Variants in MT1A observed in about 807,000 individuals in gnomAD.
MT1A encodes the protein metallothionein 1A.
In MT1A, 6 loss-of-function variants were observed where a neutral mutation model predicts 5.5. The observed-to-expected ratio is 1.09, with a 90% CI of 0.60 to 2.16. MT1A has a LOEUF of 2.16. Among genes scored for constraint, MT1A ranks in the 30% most tolerant of loss-of-function variants. The pLI, the probability that MT1A is intolerant of heterozygous loss-of-function variation, is 0.00. For synonymous variants in MT1A, 23 were observed against 24.8 expected, an observed-to-expected ratio of 0.93 and a Z score of 0.21; for missense variants, 69 against 73.4, an observed-to-expected ratio of 0.94 and a Z score of 0.22.
Position 56,639,877 on chromosome 16 carries a change from C to A in MT1A, c.113C>A (p.Pro38His). Residue 38 changes from proline to histidine, a missense_variant, in exon 3 of 3, where the codon CCC becomes CAC. Transcript: ENST00000290705. The stretch of plus-strand genomic sequence containing the variant: ...TCCCCAGGCTGCTGCTCCTGCTGCC[C>A]CATGAGCTGTGCCAAGTGTGCCCAG... Reference protein sequence around the residue: ...SCKKSCCSCCPMSCAKCAQGC... With the variant: ...SCKKSCCSCCHMSCAKCAQGC... 6.2e-7 allele frequency: 1 copy of A among 1,614,172 alleles called. No individual in the cohort carries two copies. The highest frequency in any genetic ancestry group is 8.5e-7 in the Non-Finnish European group (1 of 1,180,018).
At chr16:56,639,059 G>A (rs1213549370) in intron 1 of MT1A, among the ~76,000 whole-genome samples, 4 of 152,152 alleles carry the variant, frequency 2.6e-5, no homozygotes, top group African/African-American at 9.7e-5. Context: ...GGGTGGATGG[G>A]AGACAGGAGT....
At chr16:56,638,809 C>T (rs1329889018) in intron 1 of MT1A, 43 bp downstream of exon 1, 1 of 1,611,124 alleles carries the variant, frequency 6.2e-7, no homozygotes, top group Non-Finnish European at 8.5e-7. Flanking sequence ...ACCTATTTCC[C>T]CGCCACAGGA....
At position 56,638,781 on chromosome 16, in the gene MT1A, GTTTCTGGTCCTTAGGATACCTA is replaced by G; in HGVS notation, c.28+20_28+41del. The G allele has an allele frequency of 1.2e-6, 2 of 1,613,242 alleles. No homozygotes were observed. The highest frequency in any genetic ancestry group is 2.7e-5 in the African/African-American group (2 of 75,018). On this transcript the variant is annotated intron_variant, in intron 1 of 2. Coordinates refer to ENST00000290705, the MANE Select transcript of MT1A (RefSeq NM_005946.3). ...CTGCGCCACTGGTAAGGGATGCTAG[GTTTCTGGTCCTTAGGATACCTA>G]TTTCCCCGCCACAGGATAGATGTCC...
rs550212339 is a variant in MT1A at position 56,639,817 on chromosome 16, G to A, written c.95-42G>A. ...CTTCTCTGGGGGCAGGGAAGTCCCCGGTCAAGTCTGGTCTGACCTCTCACT... is the reference window on the plus strand; with the variant it reads ...CTTCTCTGGGGGCAGGGAAGTCCCCAGTCAAGTCTGGTCTGACCTCTCACT... On this transcript the variant is annotated intron_variant, in intron 2 of 2. Coordinates refer to ENST00000290705, the MANE Select transcript of MT1A (RefSeq NM_005946.3). The A allele has an allele frequency of 3.0e-5, 49 of 1,612,896 alleles. No homozygotes were observed. The East Asian group carries it at 8.0e-4, about 26-fold the overall frequency.
chr16:56,639,225 T>C (rs774727868), intron 1 of MT1A, 39 bp from the exon 2 acceptor site: 1 of 1,608,058 alleles, frequency 6.2e-7, no homozygotes, highest in East Asian at 2.2e-5. Context: ...TGCTGTTATC[T>C]TCTGTATAAA....
rs759867176 is a variant in MT1A, at chr16:56,639,886, G to A, written c.122G>A (p.Cys41Tyr). The change falls in exon 3 of 3, where the codon TGT becomes TAT. Residue 41 changes from cysteine (C) to tyrosine (Y), a missense_variant. Physicochemically the swap from Cys to Tyr is radical, Grantham distance 194. Coordinates refer to ENST00000290705, the MANE Select transcript of MT1A (RefSeq NM_005946.3). ...KSCCSCCPMS[C>Y]AKCAQGCICK... is the part of the protein sequence containing the mutation. ...TGCTGCTCCTGCTGCCCCATGAGCT[G>A]TGCCAAGTGTGCCCAGGGCTGCATC... 3.7e-6 allele frequency: 6 copies of A among 1,614,192 alleles called. No homozygotes were observed. The highest frequency in any genetic ancestry group is 1.3e-5 in the African/African-American group (1 of 75,052).
rs1960415983 is a variant in MT1A, at chr16:56,639,377, G to A, written c.94+48G>A. On this transcript the variant is annotated intron_variant, in intron 2 of 2. Coordinates refer to ENST00000290705, the MANE Select transcript of MT1A (RefSeq NM_005946.3). ...GAATCTGGGGCTGAGCCAAGTCAGA[G>A]GCAGGAAACCAGAGCTGGGCATGGA... The A allele has an allele frequency of 1.9e-6, 3 of 1,590,342 alleles. No homozygotes were observed. In the South Asian group the frequency reaches 3.3e-5, roughly 18 times the overall value.
At chr16:56,639,723 C>T in intron 2 of MT1A, 136 bp from the exon 3 acceptor site, 1 of 1,154,706 alleles carries the variant, frequency 8.7e-7, no homozygotes, top group Non-Finnish European at 1.3e-6. Context: ...CACTTATCTC[C>T]CATCTCCGAC....
At chr16:56,639,759 T>C (rs1960420184) in intron 2 of MT1A, 100 bp from the exon 3 acceptor site, 1 of 1,485,734 alleles carries the variant, frequency 6.7e-7, no homozygotes, top group Non-Finnish European at 9.3e-7. Context: ...GAACTAAGTG[T>C]CCTCTGGGGC....
At chr16:56,639,213 A>G (rs368769952) in intron 1 of MT1A, 51 bp from the exon 2 acceptor site, 11 of 1,600,548 alleles carry the variant, frequency 6.9e-6, no homozygotes, top group Admixed American at 6.7e-5. Flanking sequence ...TTGTTGACCA[A>G]CTGCTGTTAT....
chr16:56,639,834 C>T lies in MT1A; in HGVS notation c.95-25C>T, dbSNP rs140208933. 1.6e-4 allele frequency: 254 copies of T among 1,613,956 alleles called. 2 individuals are homozygous for T. The African/African-American group carries it at 2.6e-3, about 17-fold the overall frequency. ...AAGTCCCCGGTCAAGTCTGGTCTGA[C>T]CTCTCACTCTCCCTTCTTCCCCAGG... On this transcript the variant is annotated intron_variant, in intron 2 of 2. Transcript: ENST00000290705.
rs188285757 is a variant in MT1A at position 56,638,905 on chromosome 16, C to T, written c.28+139C>T. The T allele has an allele frequency of 6.6e-6, 7 of 1,054,138 alleles. No individual in the cohort carries two copies. In the African/African-American group the frequency reaches 1.1e-4, roughly 17 times the overall value. The allele number at this position is 1,054,138 out of a possible 1,614,324, so 65.3% of individuals were successfully genotyped here. ...ATTGATCTAGTGCTTTTCCACTCAG[C>T]GCCTTCATCATCCCTAGAACATTCC... On this transcript the variant is annotated intron_variant, in intron 1 of 2. Coordinates refer to ENST00000290705, the MANE Select transcript of MT1A (RefSeq NM_005946.3).
chr16:56,640,048 T>A lies in MT1A; in HGVS notation c.*98T>A, dbSNP rs770206408. The A allele has an allele frequency of 4.5e-5, 65 of 1,435,346 alleles. No homozygotes were observed. The highest frequency in any genetic ancestry group is 2.4e-4 in the Admixed American group (10 of 42,452). The allele number at this position is 1,435,346 out of a possible 1,614,324, so 88.9% of individuals were successfully genotyped here. A position where few individuals can be genotyped will look rare whatever the true frequency, so the allele number is the denominator to read the frequency against. On this transcript the variant is annotated 3_prime_UTR_variant, in exon 3 of 3. Transcript: ENST00000290705. ...CCTGACCCATTTACTGTATTTTTTT[T>A]AATGAAATATGTGAATGATAATAAA...
rs72487915 is a variant in MT1A, at chr16:56,639,477, C to T, written c.94+148C>T. 2.7e-5 allele frequency: 29 copies of T among 1,072,174 alleles called. 1 individual carries two copies. Among genetic ancestry groups the T allele is most frequent in the Middle Eastern group, 4.1e-4 (2 of 4,912 alleles). 66.4% of individuals were successfully genotyped at this position (1,072,174 alleles called of 1,614,324 possible). A position where few individuals can be genotyped will look rare whatever the true frequency, so the allele number is the denominator to read the frequency against. On this transcript the variant is annotated intron_variant, in intron 2 of 2. Transcript: ENST00000290705. Reference sequence around the variant, plus strand: ...TCAGGATCAGAGCCAGATCTTTAGACGTGATGGATTCCCAAGTTTCGTTCT... The same window carrying T: ...TCAGGATCAGAGCCAGATCTTTAGATGTGATGGATTCCCAAGTTTCGTTCT...
rs760428975 is a variant in MT1A, at chr16:56,639,874, G to A, written c.110G>A (p.Cys37Tyr). 3 of 1,614,128 alleles carry A rather than the reference G, an allele frequency of 1.9e-6. 1 individual carries two copies. In the South Asian group the frequency reaches 3.3e-5, roughly 18 times the overall value. Residue 37 changes from cysteine (C) to tyrosine (Y), a missense_variant, in exon 3 of 3, where the codon TGC becomes TAC. Physicochemically the swap from Cys to Tyr is radical, Grantham distance 194. Coordinates refer to ENST00000290705, the MANE Select transcript of MT1A (RefSeq NM_005946.3). ...TSCKKSCCSC[C>Y]PMSCAKCAQG... The stretch of plus-strand genomic sequence containing the variant: ...TCTTCCCCAGGCTGCTGCTCCTGCT[G>A]CCCCATGAGCTGTGCCAAGTGTGCC...
Position 56,638,752 on chromosome 16 carries a change from G to C in MT1A, c.14G>C (p.Cys5Ser). ...CCGCGGCTCGAAATGGACCCCAACT[G>C]CTCCTGCGCCACTGGTAAGGGATGC... is the stretch of plus-strand genomic sequence containing the variant. MDPN[C>S]SCATGGSCTC... Residue 5 changes from cysteine (C) to serine (S), a missense_variant, in exon 1 of 3, where the codon TGC becomes TCC. Cys to Ser is a moderately radical substitution (Grantham distance 112). Transcript: ENST00000290705. 1 of 1,614,162 alleles carries C rather than the reference G, an allele frequency of 6.2e-7. No homozygotes were observed. The highest frequency in any genetic ancestry group is 8.5e-7 in the Non-Finnish European group (1 of 1,180,010).
Position 56,638,749 on chromosome 16 carries a change from A to T in MT1A, c.11A>T (p.Asn4Ile). The stretch of plus-strand genomic sequence containing the variant: ...TCACCGCGGCTCGAAATGGACCCCA[A>T]CTGCTCCTGCGCCACTGGTAAGGGA... MDP[N>I]CSCATGGSCT... The change falls in exon 1 of 3, where the codon AAC becomes ATC. Residue 4 changes from asparagine to isoleucine, a missense_variant. By Grantham distance (149) the Asn-to-Ile change is moderately radical (BLOSUM62 -3). Transcript: ENST00000290705. 1 of 1,614,058 alleles carries T rather than the reference A, an allele frequency of 6.2e-7. No homozygotes were observed. Among genetic ancestry groups the T allele is most frequent in the African/African-American group, 1.3e-5 (1 of 75,014 alleles).
At chr16:56,639,031 T>A (rs1960411770) in intron 1 of MT1A, among the ~76,000 whole-genome samples, 1 of 152,176 alleles carries the variant, frequency 6.6e-6, no homozygotes, top group South Asian at 2.1e-4. Flanking sequence ...TGAGCCCCAG[T>A]ACTCTGCGCA....
chr16:56,639,904 G>GC lies in MT1A; in HGVS notation c.141dup (p.Cys48LeufsTer25), dbSNP rs1960422331. 1 of 1,614,198 alleles carries GC rather than the reference G, an allele frequency of 6.2e-7. No individual in the cohort carries two copies. Among genetic ancestry groups the GC allele is most frequent in the Non-Finnish European group, 8.5e-7 (1 of 1,180,028 alleles). On this transcript the variant is annotated frameshift_variant, in exon 3 of 3. Transcript: ENST00000290705. LOFTEE classifies it high-confidence loss of function. ...ATGAGCTGTGCCAAGTGTGCCCAGG[G>GC]CTGCATCTGCAAAGGGGCATCAGAG... is the stretch of plus-strand genomic sequence containing the variant.
Sources: gnomAD v4.1 joint callset for allele counts (sites outside exome capture counted in the v4.1 genomes callset) on GRCh38, gnomAD v4.1.1 for gene constraint, MANE v1.5 for transcripts, NCBI Gene and HGNC (gene_info 2026-07-23, HGNC 2026-07-21) for gene names.